Variants in LRRC1 observed in about 807,000 individuals in gnomAD.
LRRC1 encodes the protein leucine rich repeat containing 1.
LRRC1 carries 28 observed loss-of-function variants against 69.9 expected under a neutral mutation model. The ratio of observed to expected loss-of-function variants is 0.40; its 90% CI spans 0.30 to 0.55. LRRC1 has a LOEUF of 0.55. Among genes scored for constraint, LRRC1 ranks in the 20% least tolerant of loss-of-function variants. The probability of loss-of-function intolerance (pLI) is 0.47; values close to 1 mark genes in which losing one functional copy is unlikely to be tolerated. For synonymous variants in LRRC1, 236 were observed against 240.2 expected, an observed-to-expected ratio of 0.98 and a Z score of 0.16; for missense variants, 498 against 609.0, an observed-to-expected ratio of 0.82 and a Z score of 1.92.
chr6:53,866,608 G>T (rs1419012966), intron 2 of LRRC1, among the ~76,000 whole-genome samples: 1 of 152,094 alleles, frequency 6.6e-6, no homozygotes, highest in Non-Finnish European at 1.5e-5. Context: ...CTCATTATTT[G>T]GGGGGGATTC....
chr6:53,801,785 T>A (rs1038484320), intron 1 of LRRC1, among the ~76,000 whole-genome samples: 11 of 152,334 alleles, frequency 7.2e-5, no homozygotes, highest in Non-Finnish European at 1.0e-4. Context: ...TTAGTGGAGA[T>A]TAGAGTCTCT....
At chr6:53,887,791 A>G (rs1460299873) in intron 4 of LRRC1, among the ~76,000 whole-genome samples, 1 of 152,176 alleles carries the variant, frequency 6.6e-6, no homozygotes, top group African/African-American at 2.4e-5. Flanking sequence ...TCCCCTTTAG[A>G]AAAAAGTTGG....
intron 1 of LRRC1, among the ~76,000 whole-genome samples, chr6:53,820,860 A>G (rs1297028132): frequency 6.6e-6 from 1 of 152,174 alleles, no homozygotes; most frequent in Non-Finnish European, 1.5e-5. Flanking sequence ...AGATATGACT[A>G]AAGGGAAAAA....
At chr6:53,817,437 G>A (rs1764983345) in intron 1 of LRRC1, among the ~76,000 whole-genome samples, 1 of 151,998 alleles carries the variant, frequency 6.6e-6, no homozygotes. Context: ...ACATTTTTGT[G>A]ATGAGAACAT....
intron 1 of LRRC1, among the ~76,000 whole-genome samples, chr6:53,814,005 G>A (rs899973844): frequency 1.3e-5 from 2 of 152,104 alleles, no homozygotes; most frequent in Non-Finnish European, 2.9e-5. Context: ...CCTCTATACA[G>A]AGTGTCCTTT....
intron 1 of LRRC1, among the ~76,000 whole-genome samples, chr6:53,823,882 A>C (rs970930722): frequency 6.6e-6 from 1 of 152,154 alleles, no homozygotes; most frequent in Non-Finnish European, 1.5e-5. Flanking sequence ...TTCTTTATCC[A>C]GTCTACCATT....
intron 10 of LRRC1, among the ~76,000 whole-genome samples, chr6:53,913,284 T>A (rs1768469092): frequency 6.6e-6 from 1 of 151,966 alleles, no homozygotes; most frequent in African/African-American, 2.4e-5. Context: ...AATTTGTGAA[T>A]GACCAAAAGC....
rs1057317418 is a variant in LRRC1 at position 53,815,056 on chromosome 6, G to C, written c.159+19641G>C. ...AGTCGTTTGGACTGATTCTTTATGA[G>C]AAGCACCTGGGGAGTTCTTTTAAAA... On this transcript the variant is annotated intron_variant, in intron 1 of 13. Transcript: ENST00000370888. Among the ~76,000 whole-genome samples, 4 of 150,532 alleles carry C rather than the reference G, an allele frequency of 2.7e-5. No homozygotes were observed. The Admixed American group carries it at 2.7e-4, about 10-fold the overall frequency.
In LRRC1 at chr6:53,795,188, C is replaced by G; in HGVS notation, c.-69C>G. On this transcript the variant is annotated 5_prime_UTR_variant, in exon 1 of 14. Transcript: ENST00000370888. ...AGGGCAGCGGACTGAGCGGAGCCGC[C>G]GGCCAGAGCGGGCTCGGAGCCCGGG... is the stretch of plus-strand genomic sequence containing the variant. 7.1e-7 allele frequency: 1 copy of G among 1,417,804 alleles called. No homozygotes were observed. Among genetic ancestry groups the G allele is most frequent in the Non-Finnish European group, 9.4e-7 (1 of 1,062,508 alleles). The allele number at this position is 1,417,804 out of a possible 1,614,324, so 87.8% of individuals were successfully genotyped here.
At chr6:53,872,753 T>C (rs1374888835) in intron 2 of LRRC1, among the ~76,000 whole-genome samples, 2 of 83,218 alleles carry the variant, frequency 2.4e-5, no homozygotes, top group Admixed American at 1.1e-4. Flanking sequence ...TTCTTTTCTC[T>C]TTTTTTTTTT....
intron 2 of LRRC1, among the ~76,000 whole-genome samples, chr6:53,871,072 T>C (rs559825496): frequency 6.6e-6 from 1 of 152,346 alleles, no homozygotes; most frequent in African/African-American, 2.4e-5. Flanking sequence ...GTGTCTTGAC[T>C]CTTGTGAATA....
intron 2 of LRRC1, among the ~76,000 whole-genome samples, chr6:53,855,547 G>A (rs1766282825): frequency 6.6e-6 from 1 of 152,130 alleles, no homozygotes; most frequent in Non-Finnish European, 1.5e-5. Context: ...AAGCACCTCG[G>A]GGACCTGAGG....
At position 53,798,317 on chromosome 6, in the gene LRRC1, A is replaced by G. The variant is rs147230683; in HGVS notation, c.159+2902A>G. 2.0e-3 allele frequency among the ~76,000 whole-genome samples: 306 copies of G among 152,330 alleles called. 1 individual carries two copies. The highest frequency in any genetic ancestry group is 7.0e-3 in the African/African-American group (291 of 41,582). On this transcript the variant is annotated intron_variant, in intron 1 of 13. Transcript: ENST00000370888. ...ATCCTTTTTGGCTCTGTGCTAACAA[A>G]GGCAGTCTCACTGTAACCTTCTTGA... is the stretch of plus-strand genomic sequence containing the variant.
At chr6:53,817,315 A>G (rs1159887350) in intron 1 of LRRC1, among the ~76,000 whole-genome samples, 1 of 152,288 alleles carries the variant, frequency 6.6e-6, no homozygotes, top group East Asian at 1.9e-4. Flanking sequence ...AAAATTATAT[A>G]TTGACAGATT....
intron 1 of LRRC1, among the ~76,000 whole-genome samples, chr6:53,814,661 C>T (rs1764899342): frequency 6.6e-6 from 1 of 152,208 alleles, no homozygotes; most frequent in South Asian, 2.1e-4. Context: ...GAAAACCTTG[C>T]TTCCAGACAT....
Position 53,899,953 on chromosome 6 carries a change from G to T in LRRC1, c.787+62G>T. ...CCTGCCGTCGTCTTGAGGGTTTGGG[G>T]CACACTTTGATCCTTTGGTCACCAC... On this transcript the variant is annotated intron_variant, in intron 8 of 13. Transcript: ENST00000370888. The T allele has an allele frequency of 4.6e-6, 7 of 1,526,438 alleles. No homozygotes were observed. The South Asian group carries it at 7.3e-5, about 16-fold the overall frequency. The allele number at this position is 1,526,438 out of a possible 1,614,324, so 94.6% of individuals were successfully genotyped here.
intron 1 of LRRC1, among the ~76,000 whole-genome samples, chr6:53,806,451 G>A (rs1039812204): frequency 3.3e-5 from 5 of 152,112 alleles, no homozygotes; most frequent in Admixed American, 3.3e-4. Flanking sequence ...ATGATGGAGT[G>A]GAAACAGCAC....
chr6:53,836,688 G>A (rs901662184), intron 1 of LRRC1, among the ~76,000 whole-genome samples: 3 of 152,104 alleles, frequency 2.0e-5, no homozygotes, highest in African/African-American at 7.2e-5. Context: ...AGAACTTAAA[G>A]CATAAATTTA....
intron 4 of LRRC1, among the ~76,000 whole-genome samples, chr6:53,894,811 C>A (rs1240504228): frequency 6.6e-6 from 1 of 152,142 alleles, no homozygotes; most frequent in Admixed American, 6.5e-5. Flanking sequence ...GTTGTTTCTT[C>A]TACGTAAACA....
Sources: gnomAD v4.1 joint callset for allele counts (sites outside exome capture counted in the v4.1 genomes callset) on GRCh38, gnomAD v4.1.1 for gene constraint, MANE v1.5 for transcripts, NCBI Gene and HGNC (gene_info 2026-07-23, HGNC 2026-07-21) for gene names.